Variants in WBP1L observed in about 807,000 individuals in gnomAD.
WBP1L encodes the protein WW domain binding protein 1-like.
In WBP1L, 17 loss-of-function variants were observed where a neutral mutation model predicts 33.7. That is an observed-to-expected ratio of 0.50 (90% CI 0.34 to 0.76). The LOEUF is 0.76. Among genes scored for constraint, WBP1L ranks in the 30% least tolerant of loss-of-function variants. WBP1L has a pLI of 0.01. For synonymous variants in WBP1L, 173 were observed against 190.8 expected, an observed-to-expected ratio of 0.91 and a Z score of 0.77; for missense variants, 389 against 469.4, an observed-to-expected ratio of 0.83 and a Z score of 1.58.
chr10:102,790,033 C>T (rs533582390), intron 1 of WBP1L, among the ~76,000 whole-genome samples: 35 of 152,172 alleles, frequency 2.3e-4, no homozygotes, highest in South Asian at 1.0e-3. Flanking sequence ...CCACCACGCC[C>T]GGCCGAAATT....
chr10:102,767,172 T>G (rs1028985964), intron 1 of WBP1L, among the ~76,000 whole-genome samples: 1 of 152,184 alleles, frequency 6.6e-6, no homozygotes, highest in African/African-American at 2.4e-5. Flanking sequence ...CCACTGACAG[T>G]GTTGAGTTTC....
intron 1 of WBP1L, among the ~76,000 whole-genome samples, chr10:102,767,187 A>G (rs893107184): frequency 2.0e-5 from 3 of 152,126 alleles, no homozygotes; most frequent in Non-Finnish European, 4.4e-5. Context: ...AGTTTCAGAG[A>G]CCCCTGCACA....
chr10:102,806,853 G>T, intron 2 of WBP1L, among the ~76,000 whole-genome samples: 1 of 152,128 alleles, frequency 6.6e-6, no homozygotes, highest in Non-Finnish European at 1.5e-5. Flanking sequence ...CATTCCAGGG[G>T]GACAGAGAAA....
chr10:102,807,862 TAA>T (rs539655812), intron 2 of WBP1L, among the ~76,000 whole-genome samples: 5 of 145,872 alleles, frequency 3.4e-5, no homozygotes, highest in African/African-American at 7.5e-5. Context: ...AATTATTGAT[TAA>T]AAAAAAAAAG....
At chr10:102,776,279 G>C in intron 1 of WBP1L, 1 of 1,607,760 alleles carries the variant, frequency 6.2e-7, no homozygotes, top group Admixed American at 1.7e-5. Flanking sequence ...AAAGAAGGCC[G>C]GTGAACCAGG....
At chr10:102,810,088 G>A (rs1324957868) in intron 3 of WBP1L, 34 bp downstream of exon 3, 2 of 1,579,628 alleles carry the variant, frequency 1.3e-6, no homozygotes, top group Non-Finnish European at 1.7e-6. Context: ...CCCACCCTCA[G>A]GAGCTCAGGT....
intron 2 of WBP1L, among the ~76,000 whole-genome samples, chr10:102,802,645 G>A (rs1460737004): frequency 1.3e-5 from 2 of 152,066 alleles, no homozygotes; most frequent in Admixed American, 6.6e-5. Context: ...ACAGGTGTGC[G>A]CCAGCATGCC....
intron 2 of WBP1L, among the ~76,000 whole-genome samples, chr10:102,804,320 G>A (rs1215596470): frequency 6.8e-5 from 10 of 147,356 alleles, no homozygotes; most frequent in African/African-American, 1.8e-4. Context: ...CCCGAGAGGC[G>A]GAGGTTGCAG....
At chr10:102,767,964 T>C (rs893829961) in intron 1 of WBP1L, among the ~76,000 whole-genome samples, 2 of 152,236 alleles carry the variant, frequency 1.3e-5, no homozygotes, top group African/African-American at 2.4e-5. Flanking sequence ...GTATGCCCCA[T>C]GCGTCCTTGT....
chr10:102,765,445 A>G (rs1455319912), intron 1 of WBP1L, among the ~76,000 whole-genome samples: 1 of 151,956 alleles, frequency 6.6e-6, no homozygotes, highest in African/African-American at 2.4e-5. Context: ...ATGTTGCCAG[A>G]CTGGTCTCGA....
intron 2 of WBP1L, among the ~76,000 whole-genome samples, chr10:102,805,937 A>C (rs1271598721): frequency 6.6e-6 from 1 of 151,564 alleles, no homozygotes; most frequent in Non-Finnish European, 1.5e-5. Flanking sequence ...ACGGTGGCTC[A>C]CACCTGTAAT....
In WBP1L at chr10:102,798,495, G is replaced by C. The variant is rs572792601; in HGVS notation, c.193+400G>C. Among the ~76,000 whole-genome samples the C allele has an allele frequency of 3.1e-4, 47 of 152,096 alleles. 1 individual carries two copies. Among genetic ancestry groups the C allele is most frequent in the Admixed American group, 2.7e-3 (41 of 15,276 alleles). On this transcript the variant is annotated intron_variant, in intron 2 of 3. Transcript: ENST00000448841. Reference sequence around the variant, plus strand: ...AGGCTGGAGTGCAGGCGCAACCTCAGCTCATTGCAGCCTCTGCCTCCCGAG... The same window carrying C: ...AGGCTGGAGTGCAGGCGCAACCTCACCTCATTGCAGCCTCTGCCTCCCGAG...
chr10:102,786,079 G>C (rs895341384), intron 1 of WBP1L, among the ~76,000 whole-genome samples: 2 of 152,206 alleles, frequency 1.3e-5, no homozygotes, highest in African/African-American at 2.4e-5. Flanking sequence ...ACAGGAAATG[G>C]ATTTTAATTT....
At chr10:102,805,031 C>T (rs1168114870) in intron 2 of WBP1L, among the ~76,000 whole-genome samples, 1 of 152,078 alleles carries the variant, frequency 6.6e-6, no homozygotes, top group African/African-American at 2.4e-5. Flanking sequence ...ACCTGTAATC[C>T]TAGCACTTTG....
At chr10:102,810,951 T>C (rs1238820538) in intron 3 of WBP1L, among the ~76,000 whole-genome samples, 4 of 150,314 alleles carry the variant, frequency 2.7e-5, no homozygotes, top group African/African-American at 7.3e-5. Flanking sequence ...ACCCTTCCTT[T>C]CTTTCCCTTC....
intron 2 of WBP1L, among the ~76,000 whole-genome samples, chr10:102,805,183 G>T (rs1198721328): frequency 6.6e-6 from 1 of 152,126 alleles, no homozygotes. Context: ...TACTAGAGAG[G>T]CTAAAGTGGG....
At chr10:102,795,352 G>A (rs1003743667) in intron 1 of WBP1L, among the ~76,000 whole-genome samples, 3 of 152,294 alleles carry the variant, frequency 2.0e-5, no homozygotes, top group South Asian at 2.1e-4. Flanking sequence ...TGACCCCATC[G>A]TAAGCCGAGA....
intron 1 of WBP1L, among the ~76,000 whole-genome samples, chr10:102,756,599 C>T (rs1302378809): frequency 6.6e-6 from 1 of 152,048 alleles, no homozygotes; most frequent in Non-Finnish European, 1.5e-5. Flanking sequence ...GGAGTTTTTG[C>T]CATTTCACAC....
intron 1 of WBP1L, among the ~76,000 whole-genome samples, chr10:102,779,292 C>A: frequency 6.6e-6 from 1 of 150,682 alleles, no homozygotes; most frequent in African/African-American, 2.4e-5. Context: ...GAGCGAGACT[C>A]CATTTCAAAA....
Sources: gnomAD v4.1 joint callset for allele counts (sites outside exome capture counted in the v4.1 genomes callset) on GRCh38, gnomAD v4.1.1 for gene constraint, MANE v1.5 for transcripts, NCBI Gene and HGNC (gene_info 2026-07-23, HGNC 2026-07-21) for gene names.